The following DAPK1 variants were observed in gnomAD, a reference collection of about 807,000 sequenced individuals.
DAPK1 encodes the protein death associated protein kinase 1.
In DAPK1, 56 loss-of-function variants were observed where a neutral mutation model predicts 144.9. The observed-to-expected ratio is 0.39, with a 90% CI of 0.31 to 0.48. The LOEUF (loss-of-function observed/expected upper bound fraction) is 0.48. DAPK1 is among the 20% of genes least tolerant of loss of function. DAPK1 has a pLI of 0.95. For missense variants in DAPK1, 1,454 were observed against 1,875.4 expected (o/e 0.78, Z 4.15); for synonymous variants, 690 against 749.0 (o/e 0.92, Z 1.29).
At chr9:87,538,370 G>T (rs1825930199) in intron 2 of DAPK1, among the ~76,000 whole-genome samples, 1 of 152,148 alleles carries the variant, frequency 6.6e-6, no homozygotes, top group East Asian at 1.9e-4. Context: ...TAAATATTCA[G>T]TCATTTCCCA....
chr9:87,574,495 G>T (rs535551786), intron 2 of DAPK1, among the ~76,000 whole-genome samples: 3 of 152,218 alleles, frequency 2.0e-5, no homozygotes, highest in South Asian at 4.1e-4. Flanking sequence ...TCTCTTAATC[G>T]TTCCTCCAAG....
chr9:87,509,907 G>A (rs910865626), intron 2 of DAPK1, among the ~76,000 whole-genome samples: 2 of 152,206 alleles, frequency 1.3e-5, no homozygotes, highest in African/African-American at 4.8e-5. Context: ...TGCCATTCAT[G>A]GAGGCAGTGG....
chr9:87,523,247 C>T (rs776678897), intron 2 of DAPK1, among the ~76,000 whole-genome samples: 3 of 152,172 alleles, frequency 2.0e-5, no homozygotes, highest in Non-Finnish European at 2.9e-5. Context: ...TTATCAAATT[C>T]GTTTAATCTT....
In DAPK1 at chr9:87,686,705, C is replaced by G; in HGVS notation, c.2379C>G (p.Thr793=). 4 of 1,613,072 alleles carry G rather than the reference C, an allele frequency of 2.5e-6. No homozygotes were observed. The highest frequency in any genetic ancestry group is 3.4e-6 in the Non-Finnish European group (4 of 1,179,124). Reference sequence around the variant, plus strand: ...ACTGCTCGGCCGATGACCAGTCCACCAAGGCCATCGACATCCAGAACGCTT... The same window carrying G: ...ACTGCTCGGCCGATGACCAGTCCACGAAGGCCATCGACATCCAGAACGCTT... ...HPHCSADDQS[T]KAIDIQNAYL... is the part of the protein sequence containing the mutation. Residue 793 remains threonine (T), a synonymous_variant, in exon 21 of 26, where the codon ACC becomes ACG. Coordinates refer to ENST00000408954, the MANE Select transcript of DAPK1 (RefSeq NM_004938.4). The surrounding 1 kb of genome is among the most constrained non-coding windows in gnomAD (Gnocchi z 4.2).
intron 2 of DAPK1, among the ~76,000 whole-genome samples, chr9:87,518,232 C>T (rs1289564596): frequency 6.6e-6 from 1 of 150,502 alleles, no homozygotes; most frequent in Admixed American, 6.6e-5. Flanking sequence ...CTGCCTCAGT[C>T]TCCCATGTAG....
chr9:87,623,862 C>T (rs1000183078), intron 3 of DAPK1, among the ~76,000 whole-genome samples: 9 of 152,152 alleles, frequency 5.9e-5, no homozygotes, highest in African/African-American at 2.2e-4. Flanking sequence ...CAAAACCCCT[C>T]AGATAGGAGG....
intron 9 of DAPK1, among the ~76,000 whole-genome samples, chr9:87,641,654 A>G (rs1830098734): frequency 6.6e-6 from 1 of 152,188 alleles, no homozygotes; most frequent in African/African-American, 2.4e-5. Flanking sequence ...ATGATACCCA[A>G]GTTCAAATGC....
chr9:87,624,988 C>G (rs1244777529), intron 3 of DAPK1, among the ~76,000 whole-genome samples: 1 of 152,210 alleles, frequency 6.6e-6, no homozygotes, highest in African/African-American at 2.4e-5. Context: ...TGACAAACTA[C>G]AGCCGGTGGT....
intron 24 of DAPK1, 30 bp downstream of exon 24, chr9:87,700,267 C>G: frequency 1.9e-6 from 3 of 1,590,372 alleles, no homozygotes; most frequent in Non-Finnish European, 2.6e-6. Context: ...AGCCTGGACC[C>G]CTTTGTACTT....
chr9:87,547,590 T>C (rs1489367190), intron 2 of DAPK1, among the ~76,000 whole-genome samples: 2 of 151,698 alleles, frequency 1.3e-5, no homozygotes, highest in African/African-American at 2.4e-5. Context: ...TGTGTGTGTG[T>C]GTGTGTGTGT....
At chr9:87,622,436 C>T (rs1202881089) in intron 3 of DAPK1, among the ~76,000 whole-genome samples, 1 of 152,032 alleles carries the variant, frequency 6.6e-6, no homozygotes, top group Admixed American at 6.5e-5. Context: ...TCTTACAAAC[C>T]AAGTCTCTGA....
chr9:87,528,871 C>CAAAA (rs34492541), intron 2 of DAPK1, among the ~76,000 whole-genome samples: 19 of 104,918 alleles, frequency 1.8e-4, no homozygotes, highest in Admixed American at 1.8e-3. Flanking sequence ...GACTCCATCT[C>CAAAA]AAAAAAAAAA....
intron 2 of DAPK1, among the ~76,000 whole-genome samples, chr9:87,507,452 G>A (rs1290210748): frequency 2.0e-5 from 3 of 152,228 alleles, no homozygotes; most frequent in African/African-American, 4.8e-5. Context: ...TGATCTGCTC[G>A]CCTCAGCCTC....
intron 2 of DAPK1, among the ~76,000 whole-genome samples, chr9:87,589,737 G>A (rs560759878): frequency 4.1e-4 from 63 of 152,178 alleles, no homozygotes; most frequent in African/African-American, 1.5e-3. Context: ...ATTCCTCTTT[G>A]GCTGTCTTAG....
At chr9:87,546,118 G>A (rs1201374489) in intron 2 of DAPK1, among the ~76,000 whole-genome samples, 1 of 152,120 alleles carries the variant, frequency 6.6e-6, no homozygotes, top group Non-Finnish European at 1.5e-5. Context: ...TGGTGAGATT[G>A]GGTGGTGGTG....
chr9:87,591,560 C>T (rs1828135209), intron 2 of DAPK1, among the ~76,000 whole-genome samples: 1 of 152,086 alleles, frequency 6.6e-6, no homozygotes, highest in African/African-American at 2.4e-5. Context: ...TCTGGGGATT[C>T]AAAAGTGGTA....
intron 2 of DAPK1, among the ~76,000 whole-genome samples, chr9:87,540,282 C>T (rs1229828517): frequency 7.3e-5 from 11 of 150,718 alleles, no homozygotes; most frequent in East Asian, 5.9e-4. Context: ...CTCTGCCTCC[C>T]GCGCCCAAGT....
At position 87,626,431 on chromosome 9, in the gene DAPK1, A is replaced by G. The variant is rs148951258; in HGVS notation, c.285-11512A>G. On this transcript the variant is annotated intron_variant, in intron 3 of 25. Transcript: ENST00000408954. The stretch of plus-strand genomic sequence containing the variant: ...ACTCTGTCTCTTTAAAAAACAAACA[A>G]ACAAACAAAAAACAACAACAACAAC... 9.7e-5 allele frequency among the ~76,000 whole-genome samples: 12 copies of G among 123,374 alleles called. No homozygotes were observed. In the East Asian group the frequency reaches 3.0e-3, roughly 31 times the overall value. The allele number at this position is 123,374 out of a possible 152,430, so 80.9% of individuals were successfully genotyped here.
chr9:87,539,785 C>T (rs1825978544), intron 2 of DAPK1, among the ~76,000 whole-genome samples: 1 of 152,080 alleles, frequency 6.6e-6, no homozygotes, highest in Non-Finnish European at 1.5e-5. Context: ...AGAGTAGAAG[C>T]ATCCTTTGTC....
Sources: allele counts gnomAD v4.1 joint callset (sites outside exome capture counted in the v4.1 genomes callset), GRCh38; gene constraint gnomAD v4.1.1; non-coding constraint Gnocchi (gnomAD v3.1); transcripts MANE v1.5; gene names NCBI Gene and HGNC (gene_info 2026-07-23, HGNC 2026-07-21).